Variants in ADGB observed in about 807,000 individuals in gnomAD.
ADGB encodes calpain-7-like protein.
Under a neutral mutation model 210.5 loss-of-function variants are expected in ADGB, and 172 were observed. That is an observed-to-expected ratio of 0.82 (90% CI 0.72 to 0.93). ADGB has a LOEUF of 0.93. Ranked by LOEUF, ADGB falls within the 40% of genes least tolerant of loss-of-function variation. ADGB has a pLI of 0.00. For synonymous variants in ADGB, 658 were observed against 662.7 expected, an observed-to-expected ratio of 0.99 and a Z score of 0.11; for missense variants, 2,025 against 1,964.8, an observed-to-expected ratio of 1.03 and a Z score of -0.58.
intron 6 of ADGB, 80 bp downstream of exon 6, chr6:146,664,420 T>C: frequency 7.4e-7 from 1 of 1,353,784 alleles, no homozygotes; most frequent in Admixed American, 3.1e-5. Context: ...GCATAATTTA[T>C]TTTTTTAAAA....
At chr6:146,667,880 A>G (rs938685147) in intron 7 of ADGB, among the ~76,000 whole-genome samples, 1 of 152,052 alleles carries the variant, frequency 6.6e-6, no homozygotes, top group East Asian at 1.9e-4. Context: ...CTAGGTGTAC[A>G]TCATTTCAAA....
chr6:146,684,146 C>T (rs1776192131), intron 9 of ADGB, among the ~76,000 whole-genome samples: 1 of 152,088 alleles, frequency 6.6e-6, no homozygotes. Context: ...AACCCTCACT[C>T]TTCTTCCCTC....
chr6:146,701,083 C>T lies in ADGB; in HGVS notation c.1707+13C>T. The T allele has an allele frequency of 6.5e-7, 1 of 1,549,250 alleles. No homozygotes were observed. The highest frequency in any genetic ancestry group is 8.7e-7 in the Non-Finnish European group (1 of 1,145,954). On this transcript the variant is annotated intron_variant, in intron 13 of 35. Transcript: ENST00000397944. ...AGCTACATCTCAGGTGACTATGTTA[C>T]TCTTACTGTTGGCCCAACTCTTAAT...
chr6:146,623,157 C>G (rs140264181), intron 1 of ADGB, among the ~76,000 whole-genome samples: 1 of 151,788 alleles, frequency 6.6e-6, no homozygotes, highest in South Asian at 2.1e-4. Flanking sequence ...TTTGCCTATT[C>G]TATTTTCCGT....
At chr6:146,783,817 C>T (rs1399922583) in intron 30 of ADGB, among the ~76,000 whole-genome samples, 1 of 152,132 alleles carries the variant, frequency 6.6e-6, no homozygotes, top group Non-Finnish European at 1.5e-5. Flanking sequence ...ACCTATGAGC[C>T]TCACCTACGT....
intron 2 of ADGB, among the ~76,000 whole-genome samples, chr6:146,641,350 T>G (rs1775510988): frequency 6.6e-6 from 1 of 151,982 alleles, no homozygotes; most frequent in African/African-American, 2.4e-5. Flanking sequence ...TTCAATGCTA[T>G]TCTTATCAAA....
intron 33 of ADGB, among the ~76,000 whole-genome samples, chr6:146,799,263 T>C (rs1778088453): frequency 1.3e-5 from 2 of 151,996 alleles, no homozygotes; most frequent in African/African-American, 4.8e-5. Context: ...TTTCAACATG[T>C]ACAAGACTCC....
intron 33 of ADGB, among the ~76,000 whole-genome samples, chr6:146,792,836 T>A (rs1359318224): frequency 6.6e-6 from 1 of 152,166 alleles, no homozygotes; most frequent in African/African-American, 2.4e-5. Context: ...AAACATTTAT[T>A]ATCATTTTAA....
At chr6:146,745,706 G>T (rs1777221356) in intron 25 of ADGB, among the ~76,000 whole-genome samples, 1 of 152,116 alleles carries the variant, frequency 6.6e-6, no homozygotes, top group Non-Finnish European at 1.5e-5. Context: ...CCACACAAAG[G>T]AAAATATCAG....
chr6:146,661,022 A>T (rs974193021), intron 5 of ADGB, among the ~76,000 whole-genome samples: 5 of 151,916 alleles, frequency 3.3e-5, no homozygotes, highest in African/African-American at 1.2e-4. Context: ...ATTTTGATTG[A>T]CCTATAGTGC....
chr6:146,792,117 T>G (rs1029555862), intron 33 of ADGB, among the ~76,000 whole-genome samples: 1 of 152,046 alleles, frequency 6.6e-6, no homozygotes, highest in Non-Finnish European at 1.5e-5. Flanking sequence ...TACCATGTTG[T>G]TTTGATTAGT....
Position 146,788,516 on chromosome 6 carries a change from G to A in ADGB, c.4443G>A (p.Leu1481=). 2 of 1,551,658 alleles carry A rather than the reference G, an allele frequency of 1.3e-6. No individual in the cohort carries two copies. The highest frequency in any genetic ancestry group is 1.7e-6 in the Non-Finnish European group (2 of 1,146,934). The change falls in exon 33 of 36, where the codon TTG becomes TTA. Residue 1481 remains leucine, a synonymous_variant. Transcript: ENST00000397944. ...VWKKWQLTKG[L]RDVAKSTSSE... ...AGAAGTGGCAATTGACCAAAGGCTT[G>A]AGGGATGTGGCAAAATCCACGAGTA...
intron 29 of ADGB, among the ~76,000 whole-genome samples, chr6:146,776,411 T>C (rs1164563039): frequency 1.3e-5 from 2 of 152,120 alleles, no homozygotes; most frequent in Non-Finnish European, 2.9e-5. Flanking sequence ...AATTAGGAAT[T>C]TAAAATGAGG....
intron 33 of ADGB, among the ~76,000 whole-genome samples, chr6:146,798,489 A>G (rs982134148): frequency 6.6e-6 from 1 of 152,194 alleles, no homozygotes; most frequent in Non-Finnish European, 1.5e-5. Context: ...TGAACAACTG[A>G]ATAATTTTAG....
At chr6:146,672,182 C>A (rs1185491464) in intron 7 of ADGB, 38 bp from the exon 8 acceptor site, 48 of 1,404,348 alleles carry the variant, frequency 3.4e-5, no homozygotes, top group East Asian at 1.4e-4. Context: ...AAAAAAAAAA[C>A]ATCGTTTGGA....
At chr6:146,781,981 T>C (rs1777807162) in intron 29 of ADGB, 39 bp from the exon 30 acceptor site, 1 of 1,394,880 alleles carries the variant, frequency 7.2e-7, no homozygotes, top group Non-Finnish European at 9.4e-7. Flanking sequence ...TTTATTGTTA[T>C]ATTATGACTC....
At chr6:146,645,613 T>C (rs892591811) in intron 3 of ADGB, among the ~76,000 whole-genome samples, 2 of 152,078 alleles carry the variant, frequency 1.3e-5, no homozygotes, top group Non-Finnish European at 2.9e-5. Context: ...CTGATTGTTC[T>C]GTACATTTGT....
At chr6:146,638,388 A>G (rs1178460744) in intron 2 of ADGB, among the ~76,000 whole-genome samples, 2 of 151,926 alleles carry the variant, frequency 1.3e-5, no homozygotes, top group African/African-American at 4.8e-5. Flanking sequence ...GATTAAGAAA[A>G]TGTGGCACAT....
rs1378595301 is a variant in ADGB, at chr6:146,706,845, G to GAT, written c.1707+5775_1707+5776insAT. 3.5e-4 allele frequency among the ~76,000 whole-genome samples: 35 copies of GAT among 100,710 alleles called. No individual in the cohort carries two copies. The East Asian group carries it at 9.5e-3, about 27-fold the overall frequency. 66.1% of individuals were successfully genotyped at this position (100,710 alleles called of 152,430 possible). A position where few individuals can be genotyped will look rare whatever the true frequency, so the allele number is the denominator to read the frequency against. The stretch of plus-strand genomic sequence containing the variant: ...TTATCTTTTCAAAGATCAGCTTAGT[G>GAT]TTTTTTTTTTTTTTTTTACTTTTCT... On this transcript the variant is annotated intron_variant, in intron 13 of 35. Coordinates refer to ENST00000397944, the MANE Select transcript of ADGB (RefSeq NM_024694.4).
Sources: allele counts gnomAD v4.1 joint callset (sites outside exome capture counted in the v4.1 genomes callset), GRCh38; gene constraint gnomAD v4.1.1; transcripts MANE v1.5; gene names NCBI Gene and HGNC (gene_info 2026-07-23, HGNC 2026-07-21).